Variants in THSD7A observed in about 807,000 individuals in gnomAD.
The protein encoded by THSD7A is thrombospondin type-1 domain-containing protein 7A.
A neutral mutation model predicts 231.3 loss-of-function variants in THSD7A; 96 were observed. That is an observed-to-expected ratio of 0.41 (90% CI 0.35 to 0.49). The LOEUF (loss-of-function observed/expected upper bound fraction) is 0.49. Among genes scored for constraint, THSD7A ranks in the 20% least tolerant of loss-of-function variants. THSD7A has a pLI of 0.05. For missense variants in THSD7A, 2,290 were observed against 2,070.2 expected, an observed-to-expected ratio of 1.11 and a Z score of -2.06; for synonymous variants, 940 against 743.3, an observed-to-expected ratio of 1.26 and a Z score of -4.30.
intron 23 of THSD7A, among the ~76,000 whole-genome samples, chr7:11,399,376 CT>C (rs963528958): frequency 2.0e-5 from 3 of 151,140 alleles, no homozygotes; most frequent in Non-Finnish European, 4.4e-5. Flanking sequence ...GACAACTTTG[CT>C]TTTTTTTTCC....
intron 14 of THSD7A, 104 bp downstream of exon 14, chr7:11,428,843 A>G (rs1384066889): frequency 2.2e-6 from 3 of 1,385,516 alleles, no homozygotes; most frequent in Non-Finnish European, 2.9e-6. Context: ...AAATGGGTCA[A>G]TTTTTTATTC....
intron 16 of THSD7A, among the ~76,000 whole-genome samples, chr7:11,420,630 C>T (rs1187641244): frequency 6.6e-6 from 1 of 152,210 alleles, no homozygotes; most frequent in Middle Eastern, 3.2e-3. Context: ...ACAGAGTCCC[C>T]ACTGGGGCAC....
chr7:11,587,969 T>C (rs147464624), intron 4 of THSD7A, among the ~76,000 whole-genome samples: 1 of 152,312 alleles, frequency 6.6e-6, no homozygotes, highest in Non-Finnish European at 1.5e-5. Flanking sequence ...GAACACATGG[T>C]GTGAAACTGC....
At chr7:11,613,573 T>C (rs1046461558) in intron 2 of THSD7A, among the ~76,000 whole-genome samples, 7 of 152,220 alleles carry the variant, frequency 4.6e-5, no homozygotes, top group African/African-American at 1.4e-4. Context: ...ATTTCAGTGT[T>C]CGTTCATGGA....
In THSD7A at chr7:11,374,459, A is replaced by G. The variant is rs1782183700; in HGVS notation, c.*1335T>C. ...CAGTGAGAAAGGCAAAAGACTATGGATTTTGAAATAACTGCCTGCAAGACA... is the reference window on the plus strand; with the variant it reads ...CAGTGAGAAAGGCAAAAGACTATGGGTTTTGAAATAACTGCCTGCAAGACA... On this transcript the variant is annotated 3_prime_UTR_variant, in exon 28 of 28. Transcript: ENST00000423059. 6.6e-6 allele frequency: 1 copy of G among 152,094 alleles called. No homozygotes were observed. Among genetic ancestry groups the G allele is most frequent in the Non-Finnish European group, 1.5e-5 (1 of 68,002 alleles). The allele number at this position is 152,094 out of a possible 1,614,324, so 9.4% of individuals were successfully genotyped here.
rs1583681968 is a variant in THSD7A, at chr7:11,406,507, AAG to A, written c.4063-35_4063-34del. On this transcript the variant is annotated intron_variant, in intron 21 of 27. Coordinates refer to ENST00000423059, the MANE Select transcript of THSD7A (RefSeq NM_015204.3). The surrounding 1 kb of genome is among the most constrained non-coding windows in gnomAD (Gnocchi z 4.7). Reference sequence around the variant, plus strand: ...GGAGGAAGAAATAACTAATTAGAAAAAGAGAAATACTTCATTAGAGAGCTCAT... The same window carrying A: ...GGAGGAAGAAATAACTAATTAGAAAAAGAAATACTTCATTAGAGAGCTCAT... 14 of 1,569,130 alleles carry A rather than the reference AAG, an allele frequency of 8.9e-6. No individual in the cohort carries two copies. The highest frequency in any genetic ancestry group is 1.2e-5 in the Non-Finnish European group (14 of 1,157,960).
chr7:11,766,554 T>A (rs1021745522), intron 1 of THSD7A, among the ~76,000 whole-genome samples: 1 of 152,162 alleles, frequency 6.6e-6, no homozygotes, highest in East Asian at 1.9e-4. Flanking sequence ...ATTAAACAAG[T>A]GAATGTCATG....
At chr7:11,382,693 C>A (rs1782566621) in intron 23 of THSD7A, 77 bp from the exon 24 acceptor site, 1 of 1,089,260 alleles carries the variant, frequency 9.2e-7, no homozygotes, top group African/African-American at 1.6e-5. Flanking sequence ...GTATTAATAA[C>A]ATATTACTGA....
At position 11,429,132 on chromosome 7, in the gene THSD7A, A is replaced by G; in HGVS notation, c.3065-7T>C. On this transcript the variant is annotated splice_region_variant and splice_polypyrimidine_tract_variant and intron_variant, in intron 13 of 27. Transcript: ENST00000423059. ...CAGGCCTCCTCAATGTAACCTGAGT[A>G]GAGGAAAATGAGACAAGAATCATCT... 2.6e-6 allele frequency: 4 copies of G among 1,557,916 alleles called. No homozygotes were observed. The highest frequency in any genetic ancestry group is 3.5e-6 in the Non-Finnish European group (4 of 1,156,132).
At chr7:11,628,833 A>G (rs1262156843) in intron 2 of THSD7A, among the ~76,000 whole-genome samples, 1 of 152,182 alleles carries the variant, frequency 6.6e-6, no homozygotes, top group Non-Finnish European at 1.5e-5. Flanking sequence ...TAACATAGCT[A>G]TTATTTCTCA....
intron 1 of THSD7A, among the ~76,000 whole-genome samples, chr7:11,698,376 A>C (rs1477969037): frequency 6.6e-6 from 1 of 151,262 alleles, no homozygotes; most frequent in Non-Finnish European, 1.5e-5. Context: ...ACAATACGGT[A>C]TTTCATTTCA....
chr7:11,441,835 G>C (rs252996), intron 13 of THSD7A, among the ~76,000 whole-genome samples: 10 of 151,862 alleles, frequency 6.6e-5, no homozygotes, highest in Non-Finnish European at 1.0e-4. Flanking sequence ...TGTCGGCAGG[G>C]GTCGGGGGCT....
At chr7:11,759,238 G>C (rs1054295649) in intron 1 of THSD7A, among the ~76,000 whole-genome samples, 3 of 152,022 alleles carry the variant, frequency 2.0e-5, no homozygotes, top group Admixed American at 1.3e-4. Flanking sequence ...AGATTTATTT[G>C]TTTAAAAGAA....
At chr7:11,718,074 G>C (rs1781204526) in intron 1 of THSD7A, among the ~76,000 whole-genome samples, 1 of 151,540 alleles carries the variant, frequency 6.6e-6, no homozygotes, top group Admixed American at 6.6e-5. Flanking sequence ...TTGCATAAGA[G>C]GAAATGTAAT....
chr7:11,687,221 G>A (rs896153960), intron 1 of THSD7A, among the ~76,000 whole-genome samples: 5 of 151,732 alleles, frequency 3.3e-5, no homozygotes, highest in Non-Finnish European at 5.9e-5. Context: ...CCAGTCTTGA[G>A]AAATAAAAAT....
chr7:11,589,761 T>A (rs17164856), intron 4 of THSD7A, among the ~76,000 whole-genome samples: 1 of 152,212 alleles, frequency 6.6e-6, no homozygotes, highest in African/African-American at 2.4e-5. Flanking sequence ...ACTTAAGATG[T>A]ACTAATTCAA....
chr7:11,726,081 G>A (rs906747152), intron 1 of THSD7A, among the ~76,000 whole-genome samples: 1 of 151,824 alleles, frequency 6.6e-6, no homozygotes, highest in Non-Finnish European at 1.5e-5. Flanking sequence ...TTGCTTTATA[G>A]AGAAACAAGA....
intron 22 of THSD7A, among the ~76,000 whole-genome samples, chr7:11,405,152 A>ATTTT (rs67149392): frequency 0.013 from 1,963 of 145,570 alleles, 46 homozygotes; most frequent in Middle Eastern, 0.046. Context: ...ATCTCAAATG[A>ATTTT]TTTTTTTTTT....
At chr7:11,679,347 A>T (rs1783773611) in intron 1 of THSD7A, among the ~76,000 whole-genome samples, 1 of 152,220 alleles carries the variant, frequency 6.6e-6, no homozygotes, top group Non-Finnish European at 1.5e-5. Flanking sequence ...AATTCTGGCC[A>T]GGGCAGCCAG....
Sources: allele counts gnomAD v4.1 joint callset (sites outside exome capture counted in the v4.1 genomes callset), GRCh38; gene constraint gnomAD v4.1.1; non-coding constraint Gnocchi (gnomAD v3.1); transcripts MANE v1.5; gene names NCBI Gene and HGNC (gene_info 2026-07-23, HGNC 2026-07-21).